Variants in IRX5 observed in about 807,000 individuals in gnomAD.
The protein encoded by IRX5 is iroquois homeobox 5.
Under a neutral mutation model 37.6 loss-of-function variants are expected in IRX5, and 8 were observed. The ratio of observed to expected loss-of-function variants is 0.21; its 90% CI spans 0.12 to 0.38. IRX5 has a LOEUF of 0.38. Among genes scored for constraint, IRX5 ranks in the 10% least tolerant of loss-of-function variants. The probability of loss-of-function intolerance (pLI) is 1.00; values close to 1 mark genes in which losing one functional copy is unlikely to be tolerated. For missense variants in IRX5, 635 were observed against 695.2 expected (o/e 0.91, Z 0.97); for synonymous variants, 359 against 328.6 (o/e 1.09, Z -1.00).
In IRX5 at chr16:54,932,983, G is replaced by A; in HGVS notation, c.655+80G>A. 6.3e-7 allele frequency: 1 copy of A among 1,593,314 alleles called. No individual in the cohort carries two copies. Among genetic ancestry groups the A allele is most frequent in the Non-Finnish European group, 8.5e-7 (1 of 1,172,450 alleles). ...CCTGGAGGGGGCGCGCACGGGGCCTGGAGGTTGGGGGCAGGGGTCCCTGCC... is the reference window on the plus strand; with the variant it reads ...CCTGGAGGGGGCGCGCACGGGGCCTAGAGGTTGGGGGCAGGGGTCCCTGCC... On this transcript the variant is annotated intron_variant, in intron 2 of 2. Coordinates refer to ENST00000394636, the MANE Select transcript of IRX5 (RefSeq NM_005853.6). The surrounding 1 kb of genome is among the most constrained non-coding windows in gnomAD (Gnocchi z 6.7).
In IRX5 at chr16:54,932,517, C is replaced by T; in HGVS notation, c.269C>T (p.Thr90Ile). 4.3e-6 allele frequency: 7 copies of T among 1,612,488 alleles called. No individual in the cohort carries two copies. The highest frequency in any genetic ancestry group is 5.9e-6 in the Non-Finnish European group (7 of 1,179,070). The change falls in exon 2 of 3, where the codon ACA (threonine) becomes ATA (isoleucine). Residue 90 changes from threonine to isoleucine, a missense_variant. Coordinates refer to ENST00000394636, the MANE Select transcript of IRX5 (RefSeq NM_005853.6). This position sits in a 1 kb window ranked among gnomAD's most constrained non-coding sequence, Gnocchi z 6.7. ...CCGCAGGGCTCTCCCTACGACCACA[C>T]ACCCGGCATGGCGGGCTCCTTGGGG... ...SSYVGSPYDH[T>I]PGMAGSLGYH...
Position 54,932,881 on chromosome 16 carries a change from C to T in IRX5, c.633C>T (p.Gly211=). The part of the protein sequence containing the change: ...EDEPQKPEDK[G]DPEGPEAGGA... ...AGCCCCAGAAGCCCGAGGACAAGGG[C>T]GACCCCGAGGGCCCCGAAGCAGGTT... is the stretch of plus-strand genomic sequence containing the variant. Residue 211 remains glycine (G), a synonymous_variant, in exon 2 of 3, where the codon GGC becomes GGT. Coordinates refer to ENST00000394636, the MANE Select transcript of IRX5 (RefSeq NM_005853.6). This position sits in a 1 kb window ranked among gnomAD's most constrained non-coding sequence, Gnocchi z 6.7. 3 of 1,611,596 alleles carry T rather than the reference C, an allele frequency of 1.9e-6. No individual in the cohort carries two copies. The highest frequency in any genetic ancestry group is 2.2e-5 in the East Asian group (1 of 44,804).
In IRX5 at chr16:54,933,217, G is replaced by T; in HGVS notation, c.796G>T (p.Gly266Cys). 6.6e-7 allele frequency: 1 copy of T among 1,512,632 alleles called. No individual in the cohort carries two copies. Among genetic ancestry groups the T allele is most frequent in the Non-Finnish European group, 8.8e-7 (1 of 1,137,600 alleles). The allele number at this position is 1,512,632 out of a possible 1,614,324, so 93.7% of individuals were successfully genotyped here. Residue 266 changes from glycine (G) to cysteine (C), a missense_variant, in exon 3 of 3, where the codon GGC becomes TGC. By Grantham distance (159) the Gly-to-Cys change is radical. Around this residue, in one of 5 missense-constraint regions of IRX5, gnomAD observed 244 missense variants for 205.4 expected, o/e 1.19. Transcript: ENST00000394636. The part of the protein sequence containing the change: ...PSEGRLDALQ[G>C]PPRTGGPSPA... ...GGAGGGCCGCCTCGACGCGCTGCAG[G>T]GCCCCCCCCGCACCGGCGGGCCCTC...
At position 54,933,121 on chromosome 16, in the gene IRX5, G is replaced by C; in HGVS notation, c.700G>C (p.Gly234Arg). The change falls in exon 3 of 3, where the codon GGA (glycine) becomes CGA (arginine). Residue 234 changes from glycine (G) to arginine (R), a missense_variant. Coordinates refer to ENST00000394636, the MANE Select transcript of IRX5 (RefSeq NM_005853.6). ...GGCTTCGGGCTGCGAACGGCTTCAG[G>C]GACCACCCACCCCTGCAGGCAAGGA... ...KAASGCERLQGPPTPAGKETE... is the reference protein window; with the variant it reads ...KAASGCERLQRPPTPAGKETE... 1 of 1,588,372 alleles carries C rather than the reference G, an allele frequency of 6.3e-7. No homozygotes were observed. The highest frequency in any genetic ancestry group is 8.5e-7 in the Non-Finnish European group (1 of 1,173,654).
rs375313978 is a variant in IRX5 at position 54,933,577 on chromosome 16, C to T, written c.1156C>T (p.Pro386Ser). 1.9e-6 allele frequency: 3 copies of T among 1,609,128 alleles called. No homozygotes were observed. Among genetic ancestry groups the T allele is most frequent in the African/African-American group, 2.7e-5 (2 of 74,812 alleles). ...GCCGGCCCCGGCGCCGTCACGCTCG[C>T]CCTCGGCGCAGTGTCCTTTTCCAGG... ...ASPAPAPSRS[P>S]SAQCPFPGGT... Residue 386 changes from proline (P) to serine (S), a missense_variant, in exon 3 of 3, where the codon CCC becomes TCC. Around this residue, in one of 5 missense-constraint regions of IRX5, gnomAD observed 188 missense variants for 200.8 expected, o/e 0.94. Coordinates refer to ENST00000394636, the MANE Select transcript of IRX5 (RefSeq NM_005853.6).
rs975716893 is a variant in IRX5, at chr16:54,932,991, G to T, written c.656-86G>T. 6.9e-6 allele frequency: 11 copies of T among 1,594,506 alleles called. No individual in the cohort carries two copies. The highest frequency in any genetic ancestry group is 8.5e-6 in the Non-Finnish European group (10 of 1,172,916). ...GGGCGCGCACGGGGCCTGGAGGTTG[G>T]GGGCAGGGGTCCCTGCCTTTGCGGG... On this transcript the variant is annotated intron_variant, in intron 2 of 2. Coordinates refer to ENST00000394636, the MANE Select transcript of IRX5 (RefSeq NM_005853.6). This position sits in a 1 kb window ranked among gnomAD's most constrained non-coding sequence, Gnocchi z 6.7.
chr16:54,932,253 G>A lies in IRX5; in HGVS notation c.250-245G>A. The A allele has an allele frequency of 1.5e-6, 1 of 681,300 alleles. No homozygotes were observed. Among genetic ancestry groups the A allele is most frequent in the Non-Finnish European group, 2.7e-6 (1 of 374,530 alleles). The allele number at this position is 681,300 out of a possible 1,614,324, so 42.2% of individuals were successfully genotyped here. Reference sequence around the variant, plus strand: ...AGATGGGGGCCTACGGGGTGACACCGAGGCCGGGACAGCTTCAGGGGCCCC... The same window carrying A: ...AGATGGGGGCCTACGGGGTGACACCAAGGCCGGGACAGCTTCAGGGGCCCC... On this transcript the variant is annotated intron_variant, in intron 1 of 2. Coordinates refer to ENST00000394636, the MANE Select transcript of IRX5 (RefSeq NM_005853.6). This position sits in a 1 kb window ranked among gnomAD's most constrained non-coding sequence, Gnocchi z 6.7.
intron 1 of IRX5, chr16:54,931,992 G>T: frequency 1.5e-6 from 1 of 686,258 alleles, no homozygotes; most frequent in Non-Finnish European, 2.7e-6. Flanking sequence ...TCGGTCTGGG[G>T]TAGTATTTTT....
At position 54,932,245 on chromosome 16, in the gene IRX5, G is replaced by T; in HGVS notation, c.250-253G>T. 1.5e-6 allele frequency: 1 copy of T among 683,314 alleles called. No individual in the cohort carries two copies. Among genetic ancestry groups the T allele is most frequent in the South Asian group, 1.5e-5 (1 of 65,954 alleles). The allele number at this position is 683,314 out of a possible 1,614,324, so 42.3% of individuals were successfully genotyped here. On this transcript the variant is annotated intron_variant, in intron 1 of 2. Transcript: ENST00000394636. This position sits in a 1 kb window ranked among gnomAD's most constrained non-coding sequence, Gnocchi z 6.7. ...GCCCGGGCAGATGGGGGCCTACGGG[G>T]TGACACCGAGGCCGGGACAGCTTCA...
chr16:54,931,567 C>T, intron 1 of IRX5, 120 bp downstream of exon 1: 1 of 1,341,506 alleles, frequency 7.5e-7, no homozygotes, highest in Non-Finnish European at 9.8e-7. Flanking sequence ...TTCGCGGCCC[C>T]TTCAAACTTG....
At position 54,932,030 on chromosome 16, in the gene IRX5, C is replaced by G. The variant is rs1963903591; in HGVS notation, c.250-468C>G. On this transcript the variant is annotated intron_variant, in intron 1 of 2. Transcript: ENST00000394636. The surrounding 1 kb of genome is among the most constrained non-coding windows in gnomAD (Gnocchi z 6.7). ...AGGGTGGGAGTGCGTGGGCATGGCT[C>G]AGCTTTTTGTTTGCATTTCTTAGCT... is the stretch of plus-strand genomic sequence containing the variant. The G allele has an allele frequency of 1.4e-6, 1 of 701,066 alleles. No homozygotes were observed. The highest frequency in any genetic ancestry group is 2.0e-5 in the Admixed American group (1 of 49,812). The allele number at this position is 701,066 out of a possible 1,614,324, so 43.4% of individuals were successfully genotyped here. A position where few individuals can be genotyped will look rare whatever the true frequency, so the allele number is the denominator to read the frequency against.
chr16:54,932,398 A>C lies in IRX5; in HGVS notation c.250-100A>C. 7.2e-7 allele frequency: 1 copy of C among 1,386,842 alleles called. No individual in the cohort carries two copies. Among genetic ancestry groups the C allele is most frequent in the East Asian group, 2.4e-5 (1 of 42,428 alleles). The allele number at this position is 1,386,842 out of a possible 1,614,324, so 85.9% of individuals were successfully genotyped here. On this transcript the variant is annotated intron_variant, in intron 1 of 2. Transcript: ENST00000394636. This position sits in a 1 kb window ranked among gnomAD's most constrained non-coding sequence, Gnocchi z 6.7. ...GGAAGCTGGAGTGCGGGCCTCGTCC[A>C]CCCACAGACCCCGGGGAGCGCAGGG...
chr16:54,931,452 G>A lies in IRX5; in HGVS notation c.249+5G>A. 6.4e-7 allele frequency: 1 copy of A among 1,572,616 alleles called. No individual in the cohort carries two copies. The highest frequency in any genetic ancestry group is 8.6e-7 in the Non-Finnish European group (1 of 1,167,158). On this transcript the variant is annotated splice_donor_5th_base_variant and intron_variant, in intron 1 of 2. Coordinates refer to ENST00000394636, the MANE Select transcript of IRX5 (RefSeq NM_005853.6). Reference sequence around the variant, plus strand: ...GCCGCCTTCTCCTCGTACGTGGTAAGTGAGCGGGATCCGCGGCGGGCGAGG... The same window carrying A: ...GCCGCCTTCTCCTCGTACGTGGTAAATGAGCGGGATCCGCGGCGGGCGAGG...
rs1182419728 is a variant in IRX5, at chr16:54,933,223, C to G, written c.802C>G (p.Pro268Ala). ...EGRLDALQGP[P>A]RTGGPSPAGP... ...CCGCCTCGACGCGCTGCAGGGCCCC[C>G]CCCGCACCGGCGGGCCCTCCCCGGC... is the stretch of plus-strand genomic sequence containing the variant. The change falls in exon 3 of 3, where the codon CCC (proline) becomes GCC (alanine). Residue 268 changes from proline (P) to alanine (A), a missense_variant. By Grantham distance (27) the Pro-to-Ala change is conservative. This residue lies in a region of IRX5 where 244 missense variants were observed against 205.4 expected (regional missense o/e 1.19). Coordinates refer to ENST00000394636, the MANE Select transcript of IRX5 (RefSeq NM_005853.6). 1 of 1,493,814 alleles carries G rather than the reference C, an allele frequency of 6.7e-7. No individual in the cohort carries two copies. The highest frequency in any genetic ancestry group is 1.5e-5 in the African/African-American group (1 of 68,644). 92.5% of individuals were successfully genotyped at this position (1,493,814 alleles called of 1,614,324 possible). A position where few individuals can be genotyped will look rare whatever the true frequency, so the allele number is the denominator to read the frequency against.
At position 54,931,629 on chromosome 16, in the gene IRX5, C is replaced by G. The variant is rs1136412; in HGVS notation, c.249+182C>G. ...AGGCCTTGGACTCAAGAGTTGCTCG[C>G]AAAAGAGAGCCGCGTCTTGCTCGGA... is the stretch of plus-strand genomic sequence containing the variant. On this transcript the variant is annotated intron_variant, in intron 1 of 2. Coordinates refer to ENST00000394636, the MANE Select transcript of IRX5 (RefSeq NM_005853.6). 0.88 allele frequency among the ~76,000 whole-genome samples: 134,241 copies of G among 152,270 alleles called. 59,534 individuals are homozygous for G. Among genetic ancestry groups the G allele is most frequent in the East Asian group, 1 (5,127 of 5,150 alleles).
Position 54,931,426 on chromosome 16 carries a change from C to A in IRX5, c.228C>A (p.Ala76=), listed in dbSNP as rs765411089. ...QYGADPAAAA[A]AAFSSYVGSP... ...GCGCCGACCCCGCGGCCGCCGCCGC[C>A]GCCGCCTTCTCCTCGTACGTGGTAA... The change falls in exon 1 of 3, where the codon GCC becomes GCA. Residue 76 remains alanine (A), a synonymous_variant. Transcript: ENST00000394636. 6.3e-7 allele frequency: 1 copy of A among 1,590,500 alleles called. No individual in the cohort carries two copies.
rs1963898124 is a variant in IRX5 at position 54,931,563 on chromosome 16, GC to G, written c.249+120del. 4 of 1,355,548 alleles carry G rather than the reference GC, an allele frequency of 3.0e-6. No individual in the cohort carries two copies. In the South Asian group the frequency reaches 6.2e-5, roughly 21 times the overall value. 84.0% of individuals were successfully genotyped at this position (1,355,548 alleles called of 1,614,324 possible). Reference sequence around the variant, plus strand: ...CCGACCTCCCCCGCCAAGCTTCGCGGCCCCTTCAAACTTGGGCGATTGTCTC... The same window carrying G: ...CCGACCTCCCCCGCCAAGCTTCGCGGCCCTTCAAACTTGGGCGATTGTCTC... On this transcript the variant is annotated intron_variant, in intron 1 of 2. Coordinates refer to ENST00000394636, the MANE Select transcript of IRX5 (RefSeq NM_005853.6).
chr16:54,931,467 G>A lies in IRX5; in HGVS notation c.249+20G>A. On this transcript the variant is annotated intron_variant, in intron 1 of 2. Coordinates refer to ENST00000394636, the MANE Select transcript of IRX5 (RefSeq NM_005853.6). ...TACGTGGTAAGTGAGCGGGATCCGC[G>A]GCGGGCGAGGGGCAGCAGGGGCCGG... 8 of 1,540,122 alleles carry A rather than the reference G, an allele frequency of 5.2e-6. No homozygotes were observed. In the South Asian group the frequency reaches 8.3e-5, roughly 16 times the overall value.
In IRX5 at chr16:54,931,445, G is replaced by T. The variant is rs1202947643; in HGVS notation, c.247G>T (p.Val83Leu). The T allele has an allele frequency of 8.2e-6, 13 of 1,579,462 alleles. No homozygotes were observed. Among genetic ancestry groups the T allele is most frequent in the Admixed American group, 1.7e-5 (1 of 57,832 alleles). Residue 83 changes from valine to leucine, a missense_variant and splice_region_variant, in exon 1 of 3, where the codon GTG becomes TTG. Val to Leu is a conservative substitution (Grantham distance 32). Around this residue, in one of 5 missense-constraint regions of IRX5, gnomAD observed 145 missense variants for 152.4 expected, o/e 0.95. Coordinates refer to ENST00000394636, the MANE Select transcript of IRX5 (RefSeq NM_005853.6). ...CGCCGCCGCCGCCTTCTCCTCGTAC[G>T]TGGTAAGTGAGCGGGATCCGCGGCG... ...AAAAAAFSSY[V>L]GSPYDHTPGM...
Sources: allele counts gnomAD v4.1 joint callset (sites outside exome capture counted in the v4.1 genomes callset), GRCh38; gene constraint gnomAD v4.1.1; regional missense constraint gnomAD v4.1.1; non-coding constraint Gnocchi (gnomAD v3.1); transcripts MANE v1.5; gene names NCBI Gene and HGNC (gene_info 2026-07-23, HGNC 2026-07-21).